Variants in TTLL11 observed in about 807,000 individuals in gnomAD.
TTLL11 encodes tubulin tyrosine ligase like 11.
In TTLL11, 42 loss-of-function variants were observed where a neutral mutation model predicts 51.7. That is an observed-to-expected ratio of 0.81 (90% confidence interval 0.64 to 1.05). TTLL11 has a LOEUF of 1.05. Ranked by LOEUF, TTLL11 falls within the 50% of genes least tolerant of loss-of-function variation. The probability of loss-of-function intolerance (pLI) is 0.00; values close to 1 mark genes in which losing one functional copy is unlikely to be tolerated. For missense variants in TTLL11, 799 were observed against 940.4 expected (o/e 0.85, Z 1.97); for synonymous variants, 381 against 383.5 (o/e 0.99, Z 0.08).
At chr9:121,889,855 G>A (rs542671139) in intron 6 of TTLL11, among the ~76,000 whole-genome samples, 18 of 133,326 alleles carry the variant, frequency 1.4e-4, no homozygotes, top group East Asian at 5.4e-4. Context: ...AGCCAAGATC[G>A]CACCACTATA....
intron 1 of TTLL11, among the ~76,000 whole-genome samples, chr9:122,075,519 T>A (rs1198605388): frequency 6.6e-6 from 1 of 152,238 alleles, no homozygotes; most frequent in Admixed American, 6.5e-5. Context: ...CAGGAACCAC[T>A]TGCCTCTCCC....
intron 1 of TTLL11, among the ~76,000 whole-genome samples, chr9:122,077,828 A>C (rs1845899420): frequency 7.1e-6 from 1 of 140,348 alleles, no homozygotes; most frequent in Non-Finnish European, 1.5e-5. Flanking sequence ...TAAAGCAAAA[A>C]CCTGCAAAAA....
chr9:121,842,543 T>C (rs561331732), intron 8 of TTLL11, among the ~76,000 whole-genome samples: 1 of 152,262 alleles, frequency 6.6e-6, no homozygotes, highest in East Asian at 1.9e-4. Flanking sequence ...AGTACAGGCA[T>C]GAGCTACTGT....
At chr9:121,938,503 T>C (rs1482742655) in intron 6 of TTLL11, among the ~76,000 whole-genome samples, 1 of 152,164 alleles carries the variant, frequency 6.6e-6, no homozygotes, top group East Asian at 1.9e-4. Flanking sequence ...AGACAAATTA[T>C]AGCCTAAGAG....
At chr9:122,058,776 G>A (rs1419010033) in intron 1 of TTLL11, among the ~76,000 whole-genome samples, 2 of 152,200 alleles carry the variant, frequency 1.3e-5, no homozygotes, top group Non-Finnish European at 2.9e-5. Flanking sequence ...CTTGAGATGA[G>A]AGCTGTTATT....
At chr9:121,836,127 T>C (rs1467150595) in intron 8 of TTLL11, among the ~76,000 whole-genome samples, 1 of 152,166 alleles carries the variant, frequency 6.6e-6, no homozygotes, top group African/African-American at 2.4e-5. Flanking sequence ...ATCTGGATGG[T>C]AGATGCTTTT....
intron 1 of TTLL11, among the ~76,000 whole-genome samples, chr9:122,083,541 GTGGCT>G (rs914715508): frequency 2.0e-5 from 3 of 152,212 alleles, no homozygotes; most frequent in Non-Finnish European, 2.9e-5. Flanking sequence ...GCCAGGCACG[GTGGCT>G]CACACCTGTA....
At chr9:121,971,663 T>C (rs1356518783) in intron 6 of TTLL11, among the ~76,000 whole-genome samples, 1 of 140,998 alleles carries the variant, frequency 7.1e-6, no homozygotes, top group East Asian at 2.0e-4. Context: ...AGAAATCGGA[T>C]GGTTGCCGTG....
intron 1 of TTLL11, among the ~76,000 whole-genome samples, chr9:122,059,237 G>A (rs1341062728): frequency 6.6e-6 from 1 of 152,180 alleles, no homozygotes. Context: ...TTAATCGAAT[G>A]CCTATCACGT....
chr9:121,831,575 C>T lies in TTLL11; in HGVS notation c.1841-8696G>A, dbSNP rs191707535. 1.2e-3 allele frequency among the ~76,000 whole-genome samples: 183 copies of T among 152,084 alleles called. 2 individuals carry two copies. Among genetic ancestry groups the T allele is most frequent in the Middle Eastern group, 3.4e-3 (1 of 294 alleles). ...ATTAGCCAGACATGGTGGCAGGTGC[C>T]TGTAATGCCAGCTACCTGGGAGGCT... On this transcript the variant is annotated intron_variant, in intron 8 of 8. Coordinates refer to ENST00000321582, the MANE Select transcript of TTLL11 (RefSeq NM_001139442.2).
chr9:122,047,436 G>A (rs1718726501), intron 1 of TTLL11, among the ~76,000 whole-genome samples: 1 of 152,164 alleles, frequency 6.6e-6, no homozygotes, highest in Non-Finnish European at 1.5e-5. Flanking sequence ...GCAGCAGAGA[G>A]GACAAGAGGG....
chr9:122,091,884 G>A lies in TTLL11; in HGVS notation c.462+803C>T, dbSNP rs116278042. ...CCCTGCCAGTCTAAAATGGGCTCAGGGATGATAACTCATGTATTCATTCAC... is the reference window on the plus strand; with the variant it reads ...CCCTGCCAGTCTAAAATGGGCTCAGAGATGATAACTCATGTATTCATTCAC... On this transcript the variant is annotated intron_variant, in intron 1 of 8. Transcript: ENST00000321582. Among the ~76,000 whole-genome samples, 453 of 152,274 alleles carry A rather than the reference G, an allele frequency of 3.0e-3. 3 individuals carry two copies. Among genetic ancestry groups the A allele is most frequent in the African/African-American group, 0.01 (433 of 41,548 alleles).
intron 3 of TTLL11, among the ~76,000 whole-genome samples, chr9:122,027,824 A>C (rs1208531029): frequency 6.6e-6 from 1 of 152,256 alleles, no homozygotes; most frequent in Admixed American, 6.5e-5. Context: ...CAAAGGAATG[A>C]AGAATGCTGG....
At chr9:121,913,981 TA>T (rs1189591319) in intron 6 of TTLL11, among the ~76,000 whole-genome samples, 2 of 152,160 alleles carry the variant, frequency 1.3e-5, no homozygotes, top group Non-Finnish European at 2.9e-5. Context: ...GTTTAACTCT[TA>T]CAGTAATTCT....
At position 121,989,239 on chromosome 9, in the gene TTLL11, G is replaced by C; in HGVS notation, c.1225C>G (p.Gln409Glu). Residue 409 changes from glutamine (Q) to glutamate (E), a missense_variant, in exon 4 of 9, where the codon CAG (glutamine) becomes GAG (glutamate). Gln to Glu is a conservative substitution (Grantham distance 29, BLOSUM62 2). Coordinates refer to ENST00000321582, the MANE Select transcript of TTLL11 (RefSeq NM_001139442.2). The surrounding 1 kb of genome is among the most constrained non-coding windows in gnomAD (Gnocchi z 4.2). ...ALTPELKVFYQSDIPTGRPGP... is the reference protein window; with the variant it reads ...ALTPELKVFYESDIPTGRPGP... ...GGCCTCCCCGTGGGGATGTCTGACT[G>C]GTAGAAGACTTTGAGCTCTGGAGTC... 6.2e-7 allele frequency: 1 copy of C among 1,614,148 alleles called. No individual in the cohort carries two copies. Among genetic ancestry groups the C allele is most frequent in the Non-Finnish European group, 8.5e-7 (1 of 1,179,994 alleles).
intron 6 of TTLL11, among the ~76,000 whole-genome samples, chr9:121,932,750 G>A (rs1841041754): frequency 6.6e-6 from 1 of 152,168 alleles, no homozygotes; most frequent in South Asian, 2.1e-4. Flanking sequence ...CTGAGGATCA[G>A]TAAGGTCTGA....
intron 1 of TTLL11, among the ~76,000 whole-genome samples, chr9:122,077,343 T>C (rs1229436308): frequency 2.0e-5 from 3 of 152,134 alleles, no homozygotes; most frequent in Non-Finnish European, 4.4e-5. Flanking sequence ...ATGTTGGAAG[T>C]GATGTGGCCA....
intron 3 of TTLL11, among the ~76,000 whole-genome samples, chr9:121,993,472 C>T (rs1843169626): frequency 6.6e-6 from 1 of 152,154 alleles, no homozygotes; most frequent in African/African-American, 2.4e-5. Flanking sequence ...TTGTTGTAGT[C>T]ACCTATAAAA....
chr9:121,870,413 C>T (rs1838318098), intron 7 of TTLL11, 84 bp downstream of exon 7: 4 of 1,472,984 alleles, frequency 2.7e-6, no homozygotes, highest in African/African-American at 1.4e-5. Flanking sequence ...CTCCCGAGCG[C>T]AGTCAGGGAG....
Sources: gnomAD v4.1 joint callset for allele counts (sites outside exome capture counted in the v4.1 genomes callset) on GRCh38, gnomAD v4.1.1 for gene constraint, Gnocchi (gnomAD v3.1) non-coding constraint, MANE v1.5 for transcripts, NCBI Gene and HGNC (gene_info 2026-07-23, HGNC 2026-07-21) for gene names.